The following PRRT3 variants were observed in gnomAD, a reference collection of about 807,000 sequenced individuals.
PRRT3 encodes the protein proline rich transmembrane protein 3.
PRRT3 carries 48 observed loss-of-function variants against 56.6 expected under a neutral mutation model. The observed-to-expected ratio is 0.85, with a 90% CI of 0.67 to 1.08. The LOEUF is 1.08. Among genes scored for constraint, PRRT3 ranks in the 50% least tolerant of loss-of-function variants. The pLI is 0.00. For synonymous variants in PRRT3, 641 were observed against 619.1 expected (o/e 1.04, Z -0.52); for missense variants, 1,370 against 1,353.1 (o/e 1.01, Z -0.20).
In PRRT3 at chr3:9,946,255, C is replaced by G. The variant is rs748209149; in HGVS notation, c.2918G>C (p.Ser973Thr). 4 of 1,612,770 alleles carry G rather than the reference C, an allele frequency of 2.5e-6. No individual in the cohort carries two copies. The Admixed American group carries it at 6.7e-5, about 27-fold the overall frequency. ...AAGCTCGATGGTATCACTGGAGGCG[C>G]TGCGGGATTCCCCAGGCTTGCCGCG... ...QPRGKPGESR[S>T]ASSDTIEL The change falls in exon 4 of 4, where the codon AGC (serine) becomes ACC (threonine). Residue 973 changes from serine (S) to threonine (T), a missense_variant. By Grantham distance (58) the Ser-to-Thr change is moderately conservative. Coordinates refer to ENST00000412055, the MANE Select transcript of PRRT3 (RefSeq NM_207351.5). This position sits in a 1 kb window ranked among gnomAD's most constrained non-coding sequence, Gnocchi z 4.1.
chr3:9,948,548 T>C, intron 3 of PRRT3: 2 of 609,692 alleles, frequency 3.3e-6, no homozygotes, highest in South Asian at 2.1e-5. Flanking sequence ...TAGAACATTC[T>C]AGCCCCAAAA....
Position 9,949,411 on chromosome 3 carries a change from C to G in PRRT3, c.705G>C (p.Glu235Asp), listed in dbSNP as rs1045165242. The G allele has an allele frequency of 6.2e-7, 1 of 1,614,156 alleles. No homozygotes were observed. Among genetic ancestry groups the G allele is most frequent in the Non-Finnish European group, 8.5e-7 (1 of 1,180,008 alleles). Residue 235 changes from glutamate to aspartate, a missense_variant, in exon 2 of 4, where the codon GAG becomes GAC. By Grantham distance (45) the Glu-to-Asp change is conservative. Transcript: ENST00000412055. This position sits in a 1 kb window ranked among gnomAD's most constrained non-coding sequence, Gnocchi z 4.5. Reference sequence around the variant, plus strand: ...GGGTGAAGTGGGGACCTTGAGCTGCCTCCTGCAAGTGTTCCTCAAACCCAC... The same window carrying G: ...GGGTGAAGTGGGGACCTTGAGCTGCGTCCTGCAAGTGTTCCTCAAACCCAC... ...GQGGFEEHLQEAAQGPHFTQQ... is the reference protein window; with the variant it reads ...GQGGFEEHLQDAAQGPHFTQQ...
chr3:9,949,689 C>T lies in PRRT3; in HGVS notation c.427G>A (p.Ala143Thr). Residue 143 changes from alanine (A) to threonine (T), a missense_variant, in exon 2 of 4, where the codon GCT (alanine) becomes ACT (threonine). Physicochemically the swap from Ala to Thr is moderately conservative, Grantham distance 58. Coordinates refer to ENST00000412055, the MANE Select transcript of PRRT3 (RefSeq NM_207351.5). This position sits in a 1 kb window ranked among gnomAD's most constrained non-coding sequence, Gnocchi z 4.5. ...TGAGGGTGGCCCACTGGGTGGGGAGCCACTGCTTCTTGCTGCAGAAGCTCT... is the reference window on the plus strand; with the variant it reads ...TGAGGGTGGCCCACTGGGTGGGGAGTCACTGCTTCTTGCTGCAGAAGCTCT... ...SQELLQQEAV[A>T]PHPVGHPHLT... The T allele has an allele frequency of 6.2e-7, 1 of 1,614,136 alleles. No individual in the cohort carries two copies. The highest frequency in any genetic ancestry group is 8.5e-7 in the Non-Finnish European group (1 of 1,180,032).
chr3:9,946,263 T>C lies in PRRT3; in HGVS notation c.2910A>G (p.Glu970=). 6.2e-7 allele frequency: 1 copy of C among 1,612,726 alleles called. No individual in the cohort carries two copies. The highest frequency in any genetic ancestry group is 8.5e-7 in the Non-Finnish European group (1 of 1,179,826). Reference sequence around the variant, plus strand: ...TGGTATCACTGGAGGCGCTGCGGGATTCCCCAGGCTTGCCGCGCGGCTGGA... The same window carrying C: ...TGGTATCACTGGAGGCGCTGCGGGACTCCCCAGGCTTGCCGCGCGGCTGGA... ...GEVQPRGKPG[E]SRSASSDTIE... is the part of the protein sequence containing the mutation. Residue 970 remains glutamate (E), a synonymous_variant, in exon 4 of 4, where the codon GAA becomes GAG. Transcript: ENST00000412055. This position sits in a 1 kb window ranked among gnomAD's most constrained non-coding sequence, Gnocchi z 4.1.
Position 9,946,477 on chromosome 3 carries a change from G to C in PRRT3, c.2696C>G (p.Ala899Gly). 6.4e-7 allele frequency: 1 copy of C among 1,557,520 alleles called. No homozygotes were observed. Among genetic ancestry groups the C allele is most frequent in the Non-Finnish European group, 8.7e-7 (1 of 1,151,568 alleles). ...VEAPDGAAAA[A>G]SGSSLDSFSR... is the part of the protein sequence containing the mutation. ...GAAGCTGTCGAGGGAGCTGCCAGAAGCCGCAGCGGCTGCCCCGTCGGGTGC... is the reference window on the plus strand; with the variant it reads ...GAAGCTGTCGAGGGAGCTGCCAGAACCCGCAGCGGCTGCCCCGTCGGGTGC... Residue 899 changes from alanine to glycine, a missense_variant, in exon 4 of 4, where the codon GCT becomes GGT. Coordinates refer to ENST00000412055, the MANE Select transcript of PRRT3 (RefSeq NM_207351.5). The surrounding 1 kb of genome is among the most constrained non-coding windows in gnomAD (Gnocchi z 4.1).
Position 9,950,017 on chromosome 3 carries a change from T to C in PRRT3, c.99A>G (p.Pro33=), listed in dbSNP as rs944758667. The change falls in exon 2 of 4, where the codon CCA becomes CCG. Residue 33 remains proline (P), a synonymous_variant. Transcript: ENST00000412055. ...GPALGRGFPR[P]LENSEIPMIP... ...TCATAGGGATTTCGGAGTTTTCAAG[T>C]GGCCTGGGAAAGCCCCTCCCCAGGG... The C allele has an allele frequency of 1.3e-6, 2 of 1,527,130 alleles. No homozygotes were observed. The highest frequency in any genetic ancestry group is 1.8e-6 in the Non-Finnish European group (2 of 1,140,476). 94.6% of individuals were successfully genotyped at this position (1,527,130 alleles called of 1,614,324 possible). A position where few individuals can be genotyped will look rare whatever the true frequency, so the allele number is the denominator to read the frequency against.
In PRRT3 at chr3:9,947,398, G is replaced by A; in HGVS notation, c.1775C>T (p.Ser592Phe). The A allele has an allele frequency of 6.2e-7, 1 of 1,612,396 alleles. No individual in the cohort carries two copies. The highest frequency in any genetic ancestry group is 2.2e-5 in the East Asian group (1 of 44,864). Residue 592 changes from serine (S) to phenylalanine (F), a missense_variant, in exon 4 of 4, where the codon TCC becomes TTC. Transcript: ENST00000412055. This position sits in a 1 kb window ranked among gnomAD's most constrained non-coding sequence, Gnocchi z 9.2. Reference sequence around the variant, plus strand: ...CAGGAGGTTGAGCACAGACCATGTGGACAGCAGGTCTGTCGCGAGCAACCC... The same window carrying A: ...CAGGAGGTTGAGCACAGACCATGTGAACAGCAGGTCTGTCGCGAGCAACCC... ...GVGLLATDLL[S>F]TWSVLNLLTQ...
At chr3:9,950,685 T>G (rs1286899174) in intron 1 of PRRT3, among the ~76,000 whole-genome samples, 2 of 152,208 alleles carry the variant, frequency 1.3e-5, no homozygotes, top group Non-Finnish European at 2.9e-5. Context: ...ATATTTTTAA[T>G]AGAGATGGGG....
chr3:9,951,510 ACT>A (rs1369298152), intron 1 of PRRT3, among the ~76,000 whole-genome samples: 9 of 152,150 alleles, frequency 5.9e-5, no homozygotes, highest in East Asian at 1.9e-4. Flanking sequence ...TCGAGTTTAG[ACT>A]CTGTCTTAAA....
chr3:9,946,152 A>G lies in PRRT3; in HGVS notation c.*75T>C, dbSNP rs1575657769. 6.6e-7 allele frequency: 1 copy of G among 1,508,824 alleles called. No individual in the cohort carries two copies. Among genetic ancestry groups the G allele is most frequent in the African/African-American group, 1.4e-5 (1 of 70,530 alleles). 93.5% of individuals were successfully genotyped at this position (1,508,824 alleles called of 1,614,324 possible). A position where few individuals can be genotyped will look rare whatever the true frequency, so the allele number is the denominator to read the frequency against. On this transcript the variant is annotated 3_prime_UTR_variant, in exon 4 of 4. Transcript: ENST00000412055. This position sits in a 1 kb window ranked among gnomAD's most constrained non-coding sequence, Gnocchi z 4.1. ...CGCCTGGCCAGGATGCCCATTTTTT[A>G]AAGGCTCAACTGTCCCAGTAGGCCA... is the stretch of plus-strand genomic sequence containing the variant.
chr3:9,945,786 G>T lies in PRRT3; in HGVS notation c.*441C>A, dbSNP rs2085502953. ...GTGAGTTCAAACCTGGCTGTCCCCC[G>T]GGGGTTGCCGTCAGGTAGAGAGGCC... On this transcript the variant is annotated 3_prime_UTR_variant, in exon 4 of 4. Transcript: ENST00000412055. The T allele has an allele frequency of 6.7e-6, 1 of 149,970 alleles. No homozygotes were observed. The highest frequency in any genetic ancestry group is 2.4e-5 in the African/African-American group (1 of 40,830). 9.3% of individuals were successfully genotyped at this position (149,970 alleles called of 1,614,324 possible).
chr3:9,949,226 G>A lies in PRRT3; in HGVS notation c.890C>T (p.Ser297Phe). Reference sequence around the variant, plus strand: ...GGGACCTGGGGAGCTGACTTCCCAGGACACCTCAGCGCCAGCCCTCTTGGG... The same window carrying A: ...GGGACCTGGGGAGCTGACTTCCCAGAACACCTCAGCGCCAGCCCTCTTGGG... ...ETPKRAGAEV[S>F]WEVSSPGPPP... Residue 297 changes from serine to phenylalanine, a missense_variant, in exon 2 of 4, where the codon TCC (serine) becomes TTC (phenylalanine). By Grantham distance (155) the Ser-to-Phe change is radical. Transcript: ENST00000412055. The surrounding 1 kb of genome is among the most constrained non-coding windows in gnomAD (Gnocchi z 4.5). 1.9e-6 allele frequency: 3 copies of A among 1,605,258 alleles called. No homozygotes were observed.
At position 9,950,004 on chromosome 3, in the gene PRRT3, C is replaced by A. The variant is rs2085598844; in HGVS notation, c.112G>T (p.Glu38Ter). Residue 38 changes from glutamate to a stop codon, truncating the protein, a stop_gained, in exon 2 of 4, where the codon GAA becomes TAA. Transcript: ENST00000412055. LOFTEE classifies it high-confidence loss of function. ...RGFPRPLENS[E>*]IPMIPGAHPK... ...TGGGCTCCAGGGATCATAGGGATTTCGGAGTTTTCAAGTGGCCTGGGAAAG... is the reference window on the plus strand; with the variant it reads ...TGGGCTCCAGGGATCATAGGGATTTAGGAGTTTTCAAGTGGCCTGGGAAAG... 2.0e-6 allele frequency: 3 copies of A among 1,533,944 alleles called. No individual in the cohort carries two copies. Among genetic ancestry groups the A allele is most frequent in the Admixed American group, 4.4e-5 (2 of 45,888 alleles).
chr3:9,946,556 T>C lies in PRRT3; in HGVS notation c.2617A>G (p.Arg873Gly). The change falls in exon 4 of 4, where the codon AGG (arginine) becomes GGG (glycine). Residue 873 changes from arginine to glycine, a missense_variant. By Grantham distance (125) the Arg-to-Gly change is moderately radical. Transcript: ENST00000412055. The surrounding 1 kb of genome is among the most constrained non-coding windows in gnomAD (Gnocchi z 4.1). The part of the protein sequence containing the change: ...AGSSLLRGRC[R>G]SLSDVRVRGP... ...CGCACGCGCACGTCGCTGAGCGACC[T>C]GCAGCGGCCGCGGAGGAGCGAGGAG... is the stretch of plus-strand genomic sequence containing the variant. 2.1e-6 allele frequency: 3 copies of C among 1,427,162 alleles called. No individual in the cohort carries two copies. Among genetic ancestry groups the C allele is most frequent in the Non-Finnish European group, 2.8e-6 (3 of 1,090,220 alleles). The allele number at this position is 1,427,162 out of a possible 1,614,324, so 88.4% of individuals were successfully genotyped here. A position where few individuals can be genotyped will look rare whatever the true frequency, so the allele number is the denominator to read the frequency against.
chr3:9,946,663 C>G lies in PRRT3; in HGVS notation c.2510G>C (p.Arg837Pro). ...RDSVFQRCGL[R>P]GLASPPPGGA... is the part of the protein sequence containing the mutation. ...TCCAGGCGGCGGGGAGGCCAGGCCG[C>G]GGAGGCCGCAGCGCTGGAACACACT... Residue 837 changes from arginine to proline, a missense_variant, in exon 4 of 4, where the codon CGC becomes CCC. Physicochemically the swap from Arg to Pro is moderately radical, Grantham distance 103 (BLOSUM62 -2). Transcript: ENST00000412055. This position sits in a 1 kb window ranked among gnomAD's most constrained non-coding sequence, Gnocchi z 4.1. The G allele has an allele frequency of 7.1e-7, 1 of 1,401,968 alleles. No homozygotes were observed. Among genetic ancestry groups the G allele is most frequent in the African/African-American group, 1.5e-5 (1 of 65,928 alleles). The allele number at this position is 1,401,968 out of a possible 1,614,324, so 86.8% of individuals were successfully genotyped here. A position where few individuals can be genotyped will look rare whatever the true frequency, so the allele number is the denominator to read the frequency against.
At position 9,949,629 on chromosome 3, in the gene PRRT3, G is replaced by T; in HGVS notation, c.487C>A (p.Leu163Ile). ...TFIPTTPRRQ[L>I]RVATVPPSLQ... ...GAGGGAGGAACTGTGGCTACCCTGA[G>T]TTGACGTCTGGGAGTTGTGGGGATG... Residue 163 changes from leucine (L) to isoleucine (I), a missense_variant, in exon 2 of 4, where the codon CTC (leucine) becomes ATC (isoleucine). Transcript: ENST00000412055. This position sits in a 1 kb window ranked among gnomAD's most constrained non-coding sequence, Gnocchi z 4.5. The T allele has an allele frequency of 2.5e-6, 4 of 1,614,160 alleles. No homozygotes were observed. Among genetic ancestry groups the T allele is most frequent in the Non-Finnish European group, 3.4e-6 (4 of 1,180,034 alleles).
At chr3:9,950,239 C>G (rs530124814) in intron 1 of PRRT3, 67 bp from the exon 2 acceptor site, 17 of 674,394 alleles carry the variant, frequency 2.5e-5, no homozygotes, top group Non-Finnish European at 3.6e-5. Flanking sequence ...CCTCAAGGGG[C>G]TGACAGGAAA....
Position 9,949,492 on chromosome 3 carries a change from G to C in PRRT3, c.624C>G (p.Pro208=). 6.2e-7 allele frequency: 1 copy of C among 1,614,070 alleles called. No individual in the cohort carries two copies. Among genetic ancestry groups the C allele is most frequent in the Non-Finnish European group, 8.5e-7 (1 of 1,180,010 alleles). The change falls in exon 2 of 4, where the codon CCC becomes CCG. Residue 208 remains proline (P), a synonymous_variant. Coordinates refer to ENST00000412055, the MANE Select transcript of PRRT3 (RefSeq NM_207351.5). The surrounding 1 kb of genome is among the most constrained non-coding windows in gnomAD (Gnocchi z 4.5). ...PTSPSDHQGP[P]HTLVSHSGTV... ...TACCTGAGTGGGAAACAAGGGTGTG[G>C]GGTGGGCCCTGGTGGTCTGAGGGAG...
At chr3:9,951,236 G>C (rs1433284246) in intron 1 of PRRT3, among the ~76,000 whole-genome samples, 1 of 152,184 alleles carries the variant, frequency 6.6e-6, no homozygotes, top group Admixed American at 6.5e-5. Flanking sequence ...AGGGAGGCAG[G>C]AAGGGGCCCC....
Sources: allele counts gnomAD v4.1 joint callset (sites outside exome capture counted in the v4.1 genomes callset), GRCh38; gene constraint gnomAD v4.1.1; non-coding constraint Gnocchi (gnomAD v3.1); transcripts MANE v1.5; gene names NCBI Gene and HGNC (gene_info 2026-07-23, HGNC 2026-07-21).